Variants in CLIC2 observed in about 807,000 individuals in gnomAD.
CLIC2 encodes the protein CLIC family member 2.
CLIC2 carries 9 observed loss-of-function variants against 14.8 expected under a neutral mutation model. That is an observed-to-expected ratio of 0.61 (90% CI 0.37 to 1.06). The LOEUF (loss-of-function observed/expected upper bound fraction) is 1.06, where lower values mean the gene tolerates loss of function less well. Ranked by LOEUF, CLIC2 falls within the 50% of genes least tolerant of loss-of-function variation. The pLI, the probability that CLIC2 is intolerant of heterozygous loss-of-function variation, is 0.01. For synonymous variants in CLIC2, 61 were observed against 66.3 expected (o/e 0.92, Z 0.39); for missense variants, 148 against 181.4 (o/e 0.82, Z 1.06).
At chrX:155,326,126 A>G (rs2075137075) in intron 1 of CLIC2, among the ~76,000 whole-genome samples, 1 of 109,637 alleles carries the variant, frequency 9.1e-6, no homozygotes, top group Non-Finnish European at 1.9e-5. Flanking sequence ...TATATATCTT[A>G]TTCATGTAAC....
At chrX:155,320,708 C>T (rs1205579475) in intron 1 of CLIC2, among the ~76,000 whole-genome samples, 2 of 111,522 alleles carry the variant, frequency 1.8e-5, no homozygotes, top group Admixed American at 1.9e-4. Context: ...GGATGGAGAA[C>T]GAGTTTGACA....
At chrX:155,323,157 G>C (rs1396008302) in intron 1 of CLIC2, among the ~76,000 whole-genome samples, 1 of 111,342 alleles carries the variant, frequency 9.0e-6, no homozygotes, top group African/African-American at 3.3e-5. Context: ...AGAAAAAGAG[G>C]GACTCCTCCC....
intron 1 of CLIC2, among the ~76,000 whole-genome samples, chrX:155,313,074 T>A (rs1400270897): frequency 4.6e-5 from 5 of 109,863 alleles, no homozygotes; most frequent in African/African-American, 1.7e-4. Flanking sequence ...CTGGGCACCA[T>A]GGCTCATGCC....
chrX:155,305,776 A>T (rs1369126854), intron 1 of CLIC2, among the ~76,000 whole-genome samples: 1 of 112,677 alleles, frequency 8.9e-6, no homozygotes, highest in Non-Finnish European at 1.9e-5. Context: ...GATATATGTT[A>T]CATGTAATTT....
At chrX:155,286,386 G>A (rs1302751654) in intron 3 of CLIC2, among the ~76,000 whole-genome samples, 1 of 111,927 alleles carries the variant, frequency 8.9e-6, no homozygotes, top group Non-Finnish European at 1.9e-5. Context: ...GTCATTGATG[G>A]GCATTTGGGT....
chrX:155,322,704 A>G (rs2075120694), intron 1 of CLIC2, among the ~76,000 whole-genome samples: 1 of 111,933 alleles, frequency 8.9e-6, no homozygotes, highest in South Asian at 3.7e-4. Context: ...AACTAAGATC[A>G]GAGCACAAGT....
chrX:155,291,468 T>C (rs2074964945), intron 3 of CLIC2: 1 of 399,909 alleles, frequency 2.5e-6, no homozygotes, highest in Non-Finnish European at 4.5e-6. Flanking sequence ...CAAACAGGGA[T>C]AGTTTGACTT....
intron 3 of CLIC2, chrX:155,291,184 G>T (rs1398006448): frequency 1.6e-5 from 16 of 992,699 alleles, no homozygotes; most frequent in Admixed American, 1.1e-4. Flanking sequence ...TAGCACAGTT[G>T]TTTGTCCTCC....
At chrX:155,298,524 G>A (rs2075002714) in intron 3 of CLIC2, among the ~76,000 whole-genome samples, 1 of 112,025 alleles carries the variant, frequency 8.9e-6, no homozygotes, top group African/African-American at 3.2e-5. Context: ...CTCACTATAT[G>A]TTCCTACTCT....
chrX:155,279,682 C>T (rs1480843515), intron 4 of CLIC2, among the ~76,000 whole-genome samples: 1 of 111,725 alleles, frequency 9.0e-6, no homozygotes, highest in Non-Finnish European at 1.9e-5. Context: ...ATGGTAGGTG[C>T]CACAGTTTAA....
chrX:155,331,376 C>T (rs1428418276), intron 1 of CLIC2, among the ~76,000 whole-genome samples: 1 of 110,896 alleles, frequency 9.0e-6, no homozygotes, highest in Non-Finnish European at 1.9e-5. Flanking sequence ...GATATAAATT[C>T]GCTAGCCTGA....
At chrX:155,332,768 G>A (rs2075161030) in intron 1 of CLIC2, among the ~76,000 whole-genome samples, 1 of 112,149 alleles carries the variant, frequency 8.9e-6, no homozygotes. Context: ...AAAGTTTCCT[G>A]TCCAGATTAC....
At chrX:155,292,537 G>A (rs1341895471) in intron 3 of CLIC2, 17 of 460,678 alleles carry the variant, frequency 3.7e-5, no homozygotes, top group Non-Finnish European at 5.5e-5. Flanking sequence ...TTGGGAGGCC[G>A]AGGTGGGCAG....
At chrX:155,296,466 T>C (rs1557318355) in intron 3 of CLIC2, among the ~76,000 whole-genome samples, 1 of 111,603 alleles carries the variant, frequency 9.0e-6, no homozygotes, top group Admixed American at 9.5e-5. Flanking sequence ...TAATTTATGA[T>C]TGAGATGTCA....
intron 1 of CLIC2, among the ~76,000 whole-genome samples, chrX:155,310,948 C>T (rs370185007): frequency 5.3e-5 from 6 of 112,187 alleles, no homozygotes; most frequent in African/African-American, 1.3e-4. Flanking sequence ...CCTGGAGTGG[C>T]TGGGATGCAG....
At position 155,291,934 on chromosome X, in the gene CLIC2, C is replaced by T. The variant is rs781799244; in HGVS notation, c.293+6851G>A. On this transcript the variant is annotated intron_variant, in intron 3 of 5. Coordinates refer to ENST00000369449, the MANE Select transcript of CLIC2 (RefSeq NM_001289.6). ...CCGCAGGACCTTCTCCATTCCCGCC[C>T]GCAGCCCCGCGGCCATGCGACAGCG... Among the ~76,000 whole-genome samples the T allele has an allele frequency of 4.5e-5, 5 of 112,132 alleles. No homozygotes were observed. The South Asian group carries it at 1.5e-3, about 33-fold the overall frequency.
intron 1 of CLIC2, among the ~76,000 whole-genome samples, chrX:155,316,771 G>T (rs2075096571): frequency 9.0e-6 from 1 of 111,101 alleles, no homozygotes. Context: ...TCCCAAAACT[G>T]AAGAACATGG....
At chrX:155,301,626 G>A (rs1412896019) in intron 1 of CLIC2, among the ~76,000 whole-genome samples, 1 of 76,602 alleles carries the variant, frequency 1.3e-5, no homozygotes, top group African/African-American at 4.4e-5. Context: ...TTGAATAGGA[G>A]TGGTGAGAGA....
rs1462676103 is a variant in CLIC2 at position 155,291,016 on chromosome X, C to A, written c.293+7769G>T. On this transcript the variant is annotated intron_variant, in intron 3 of 5. Transcript: ENST00000369449. ...ACATCTTCCTTTACTGTTCCAAATA[C>A]TTCATCTTTAACGTGGCCACCTCCA... is the stretch of plus-strand genomic sequence containing the variant. 8 of 721,403 alleles carry A rather than the reference C, an allele frequency of 1.1e-5. No homozygotes were observed. The African/African-American group carries it at 1.7e-4, about 15-fold the overall frequency. The allele number at this position is 721,403 out of a possible 1,213,427, so 59.5% of individuals were successfully genotyped here.
Sources: gnomAD v4.1 joint callset for allele counts (sites outside exome capture counted in the v4.1 genomes callset) on GRCh38, gnomAD v4.1.1 for gene constraint, MANE v1.5 for transcripts, NCBI Gene and HGNC (gene_info 2026-07-23, HGNC 2026-07-21) for gene names.